The following CDHR1 variants were observed in gnomAD, a reference collection of about 807,000 sequenced individuals.
CDHR1 encodes the protein cadherin related family member 1, also known as cadherin-related family member 1.
Under a neutral mutation model 72.1 loss-of-function variants are expected in CDHR1, and 61 were observed. The ratio of observed to expected loss-of-function variants is 0.85; its 90% CI spans 0.69 to 1.05. The LOEUF (loss-of-function observed/expected upper bound fraction) is 1.05. Among genes scored for constraint, CDHR1 ranks in the 50% least tolerant of loss-of-function variants. The pLI is 0.00. For synonymous variants in CDHR1, 470 were observed against 448.1 expected, an observed-to-expected ratio of 1.05 and a Z score of -0.62; for missense variants, 1,186 against 1,115.7, an observed-to-expected ratio of 1.06 and a Z score of -0.90.
Position 84,200,608 on chromosome 10 carries a change from C to G in CDHR1, c.446C>G (p.Pro149Arg). 6.2e-7 allele frequency: 1 copy of G among 1,610,366 alleles called. No homozygotes were observed. The highest frequency in any genetic ancestry group is 8.5e-7 in the Non-Finnish European group (1 of 1,178,290). The change falls in exon 6 of 17, where the codon CCT (proline) becomes CGT (arginine). Residue 149 changes from proline (P) to arginine (R), a missense_variant. By Grantham distance (103) the Pro-to-Arg change is moderately radical (BLOSUM62 -2). Transcript: ENST00000623527. ...PYVALVPEDI[P>R]AGSIIFKVHA... is the part of the protein sequence containing the mutation. ...TGGCTGTGACCCCCTCAGGACATAC[C>G]TGCTGGGAGCATCATCTTTAAGGTC...
rs149996002 is a variant in CDHR1, at chr10:84,214,083, C to A, written c.2042C>A (p.Thr681Asn). Reference sequence around the variant, plus strand: ...GCAGGGAGTGGCTTTCTCTTTCAGACCCTCTCCCGGAGCCCCATGGCTGCC... The same window carrying A: ...GCAGGGAGTGGCTTTCTCTTTCAGAACCTCTCCCGGAGCCCCATGGCTGCC... ...LLKIDITDAETLSRSPMAAFL... is the reference protein window; with the variant it reads ...LLKIDITDAENLSRSPMAAFL... Residue 681 changes from threonine to asparagine, a missense_variant and splice_region_variant, in exon 17 of 17, where the codon ACC becomes AAC. Transcript: ENST00000623527. The A allele has an allele frequency of 7.4e-6, 12 of 1,614,064 alleles. No individual in the cohort carries two copies. In the African/African-American group the frequency reaches 8.0e-5, roughly 11 times the overall value.
At chr10:84,202,451 A>C (rs1162431935) in intron 7 of CDHR1, among the ~76,000 whole-genome samples, 1 of 152,174 alleles carries the variant, frequency 6.6e-6, no homozygotes, top group East Asian at 1.9e-4. Flanking sequence ...TAGGCCCAGC[A>C]CTTTCTTTTG....
At chr10:84,197,623 C>A (rs1051434386) in intron 3 of CDHR1, among the ~76,000 whole-genome samples, 163 bp from the exon 4 acceptor site, 2 of 152,156 alleles carry the variant, frequency 1.3e-5, no homozygotes, top group African/African-American at 4.8e-5. Context: ...GCTTTCTACT[C>A]TGCCAGGCAT....
chr10:84,195,608 T>C lies in CDHR1; in HGVS notation c.151+19T>C. Reference sequence around the variant, plus strand: ...CCTGTAGGTGAGTAGCCCTGGCACCTGCTCCCGATAGGTCTCCCTGAGGGG... The same window carrying C: ...CCTGTAGGTGAGTAGCCCTGGCACCCGCTCCCGATAGGTCTCCCTGAGGGG... On this transcript the variant is annotated intron_variant, in intron 2 of 16. Coordinates refer to ENST00000623527, the MANE Select transcript of CDHR1 (RefSeq NM_033100.4). The C allele has an allele frequency of 6.2e-7, 1 of 1,600,390 alleles. No individual in the cohort carries two copies.
chr10:84,195,763 A>G (rs1269606228), intron 2 of CDHR1, among the ~76,000 whole-genome samples, 174 bp downstream of exon 2: 1 of 152,190 alleles, frequency 6.6e-6, no homozygotes, highest in Non-Finnish European at 1.5e-5. Flanking sequence ...TGCCATGGCG[A>G]CTTAAGTCTG....
intron 10 of CDHR1, 106 bp from the exon 11 acceptor site, chr10:84,208,068 G>A (rs1275608494): frequency 2.0e-6 from 2 of 1,008,846 alleles, no homozygotes; most frequent in Admixed American, 1.7e-5. Context: ...GCTAAGCCAG[G>A]ACACACTCAA....
intron 10 of CDHR1, among the ~76,000 whole-genome samples, chr10:84,207,563 G>T (rs1249866080): frequency 2.0e-5 from 3 of 152,210 alleles, no homozygotes; most frequent in Non-Finnish European, 4.4e-5. Flanking sequence ...TAGGATATCT[G>T]CCACATGGTT....
In CDHR1 at chr10:84,214,821, T is replaced by C; in HGVS notation, c.*200T>C. 2 of 1,498,880 alleles carry C rather than the reference T, an allele frequency of 1.3e-6. No homozygotes were observed. Among genetic ancestry groups the C allele is most frequent in the Admixed American group, 2.3e-5 (1 of 43,430 alleles). The allele number at this position is 1,498,880 out of a possible 1,614,324, so 92.8% of individuals were successfully genotyped here. ...CTCTGACAGGGCTCTAGTCAGGGCC[T>C]TGGGCAAGACATTGGGCTCTAGGAT... On this transcript the variant is annotated 3_prime_UTR_variant, in exon 17 of 17. Transcript: ENST00000623527.
Position 84,217,909 on chromosome 10 carries a change from T to A in CDHR1, c.*3288T>A. On this transcript the variant is annotated 3_prime_UTR_variant, in exon 17 of 17. Coordinates refer to ENST00000623527, the MANE Select transcript of CDHR1 (RefSeq NM_033100.4). ...AGAGGTCTCTAAGAACTTGTGGCAC[T>A]CTGTCCTCAAGCAGCTGTCCCTCAG... The A allele has an allele frequency of 1.0e-6, 1 of 985,466 alleles. No individual in the cohort carries two copies. The highest frequency in any genetic ancestry group is 1.2e-6 in the Non-Finnish European group (1 of 829,966). The allele number at this position is 985,466 out of a possible 1,614,324, so 61.0% of individuals were successfully genotyped here. A position where few individuals can be genotyped will look rare whatever the true frequency, so the allele number is the denominator to read the frequency against.
chr10:84,208,852 T>C lies in CDHR1; in HGVS notation c.1291T>C (p.Phe431Leu). 2.5e-6 allele frequency: 4 copies of C among 1,614,166 alleles called. No individual in the cohort carries two copies. Among genetic ancestry groups the C allele is most frequent in the Middle Eastern group, 1.6e-4 (1 of 6,062 alleles). The change falls in exon 12 of 17, where the codon TTT becomes CTT. Residue 431 changes from phenylalanine to leucine, a missense_variant. Transcript: ENST00000623527. ...IIVENSAAID[F>L]EKSKVLTFKL... is the part of the protein sequence containing the mutation. ...TGTGGAGAACTCAGCTGCCATTGAC[T>C]TTGAAAAGTCCAAAGTATTAACCTT...
chr10:84,194,788 G>A lies in CDHR1; in HGVS notation c.28G>A (p.Ala10Thr), dbSNP rs1841997226. The A allele has an allele frequency of 5.9e-6, 9 of 1,531,228 alleles. No individual in the cohort carries two copies. The East Asian group carries it at 2.2e-4, about 38-fold the overall frequency. 94.9% of individuals were successfully genotyped at this position (1,531,228 alleles called of 1,614,324 possible). Reference protein sequence around the residue: MRRCRWAALALGLLRLCLAQ... With the variant: MRRCRWAALTLGLLRLCLAQ... Reference sequence around the variant, plus strand: ...GAGGCGCTGCCGGTGGGCCGCCCTGGCCCTGGGGCTGCTGCGCCTCTGCTT... The same window carrying A: ...GAGGCGCTGCCGGTGGGCCGCCCTGACCCTGGGGCTGCTGCGCCTCTGCTT... Residue 10 changes from alanine to threonine, a missense_variant, in exon 1 of 17, where the codon GCC (alanine) becomes ACC (threonine). Transcript: ENST00000623527.
At chr10:84,203,651 G>C (rs944357591) in intron 8 of CDHR1, among the ~76,000 whole-genome samples, 1 of 152,170 alleles carries the variant, frequency 6.6e-6, no homozygotes, top group Non-Finnish European at 1.5e-5. Flanking sequence ...CCTGACCTCA[G>C]GTGATCCACC....
intron 15 of CDHR1, chr10:84,212,847 T>A: frequency 1.7e-6 from 1 of 599,108 alleles, no homozygotes; most frequent in Non-Finnish European, 3.0e-6. Context: ...TAATATGGAT[T>A]CACCAATATT....
At chr10:84,195,283 A>C (rs1264759428) in intron 1 of CDHR1, among the ~76,000 whole-genome samples, 1 of 152,188 alleles carries the variant, frequency 6.6e-6, no homozygotes, top group Non-Finnish European at 1.5e-5. Context: ...TGTCCCTGAC[A>C]AGCCCGAGCC....
chr10:84,195,484 CT>C lies in CDHR1; in HGVS notation c.56-5del, dbSNP rs1311035557. 1.2e-6 allele frequency: 2 copies of C among 1,612,652 alleles called. No homozygotes were observed. The highest frequency in any genetic ancestry group is 3.3e-5 in the Admixed American group (2 of 59,954). On this transcript the variant is annotated splice_polypyrimidine_tract_variant and intron_variant, in intron 1 of 16. Transcript: ENST00000623527. ...CCTGGGTGTCCGTCTGTTCTGTGTT[CT>C]TTTTCCAGCTCAGGCCAACTTCGCC...
chr10:84,199,895 G>A (rs374749051), intron 5 of CDHR1, among the ~76,000 whole-genome samples: 62 of 152,310 alleles, frequency 4.1e-4, no homozygotes, highest in African/African-American at 1.4e-3. Context: ...AATTCAGGCT[G>A]GGCACGGTGG....
In CDHR1 at chr10:84,214,965, C is replaced by T; in HGVS notation, c.*344C>T. 1 of 1,233,626 alleles carries T rather than the reference C, an allele frequency of 8.1e-7. No individual in the cohort carries two copies. The highest frequency in any genetic ancestry group is 1.5e-5 in the African/African-American group (1 of 64,746). The allele number at this position is 1,233,626 out of a possible 1,614,324, so 76.4% of individuals were successfully genotyped here. On this transcript the variant is annotated 3_prime_UTR_variant, in exon 17 of 17. Coordinates refer to ENST00000623527, the MANE Select transcript of CDHR1 (RefSeq NM_033100.4). ...ACCCATCCCAGACCTCACAGTCCCT[C>T]AGGTTCTACTGGGATCTCATCATCA... is the stretch of plus-strand genomic sequence containing the variant.
chr10:84,208,792 C>T lies in CDHR1; in HGVS notation c.1231C>T (p.Gln411Ter). 1 of 1,614,186 alleles carries T rather than the reference C, an allele frequency of 6.2e-7. No individual in the cohort carries two copies. The highest frequency in any genetic ancestry group is 8.5e-7 in the Non-Finnish European group (1 of 1,180,018). The change falls in exon 12 of 17, where the codon CAG becomes TAG. Residue 411 changes from glutamine to a stop codon, truncating the protein, a stop_gained. Transcript: ENST00000623527. LOFTEE classifies it high-confidence loss of function. Reference sequence around the variant, plus strand: ...CAGGGGCATCTTCCGAGTGGTTCCACAGACAGTCCTGAATGAAGCCCAAGT... The same window carrying T: ...CAGGGGCATCTTCCGAGTGGTTCCATAGACAGTCCTGAATGAAGCCCAAGT... Reference protein sequence around the residue: ...GPRGIFRVVPQTVLNEAQVTI... With the variant: ...GPRGIFRVVP
intron 5 of CDHR1, among the ~76,000 whole-genome samples, chr10:84,200,393 C>T (rs10788333): frequency 6.6e-6 from 1 of 151,932 alleles, no homozygotes; most frequent in East Asian, 1.9e-4. Context: ...CCCCTCACCA[C>T]GTCTTTTTGC....
Sources: allele counts gnomAD v4.1 joint callset (sites outside exome capture counted in the v4.1 genomes callset), GRCh38; gene constraint gnomAD v4.1.1; transcripts MANE v1.5; gene names NCBI Gene and HGNC (gene_info 2026-07-23, HGNC 2026-07-21).